The following PLEKHA8 variants were observed in gnomAD, a reference collection of about 807,000 sequenced individuals.
PLEKHA8 encodes the protein pleckstrin homology domain containing A8.
A neutral mutation model predicts 68.2 loss-of-function variants in PLEKHA8; 36 were observed. The ratio of observed to expected loss-of-function variants is 0.53; its 90% CI spans 0.40 to 0.70. The LOEUF (loss-of-function observed/expected upper bound fraction) is 0.70, where lower values mean the gene tolerates loss of function less well. Among genes scored for constraint, PLEKHA8 ranks in the 30% least tolerant of loss-of-function variants. The pLI is 0.00. For synonymous variants in PLEKHA8, 211 were observed against 216.1 expected (o/e 0.98, Z 0.20); for missense variants, 505 against 615.4 (o/e 0.82, Z 1.90).
intron 7 of PLEKHA8, among the ~76,000 whole-genome samples, chr7:30,053,970 C>T (rs890971018): frequency 6.6e-5 from 10 of 152,158 alleles, no homozygotes; most frequent in Non-Finnish European, 1.5e-4. Flanking sequence ...ATTGAACTCA[C>T]GGTGAACAGC....
intron 13 of PLEKHA8, chr7:30,117,907 CT>C: frequency 8.7e-7 from 1 of 1,149,718 alleles, no homozygotes; most frequent in South Asian, 1.4e-5. Context: ...ATTGCCAAGA[CT>C]TTATTCATAT....
intron 9 of PLEKHA8, among the ~76,000 whole-genome samples, chr7:30,056,426 A>G (rs1469787298): frequency 6.9e-6 from 1 of 145,174 alleles, no homozygotes; most frequent in African/African-American, 2.5e-5. Context: ...TATATATGTA[A>G]ATAAATAAAA....
chr7:30,059,578 A>AT lies in PLEKHA8; in HGVS notation c.1040-1296dup, dbSNP rs35157502. ...TTCCTGATCTCTAGCCAGTTAATCA[A>AT]TTTTTTTTTTAGTATTCTGTTTTAT... On this transcript the variant is annotated intron_variant, in intron 9 of 13. Transcript: ENST00000449726. Among the ~76,000 whole-genome samples the AT allele has an allele frequency of 1.7e-4, 25 of 147,742 alleles. No individual in the cohort carries two copies. The East Asian group carries it at 2.6e-3, about 15-fold the overall frequency.
At chr7:30,108,067 C>CAAAAAAAAAAAAAAAAAAAAAAAAAAAAA (rs796801365) in intron 13 of PLEKHA8, among the ~76,000 whole-genome samples, 1 of 52,828 alleles carries the variant, frequency 1.9e-5, no homozygotes, top group African/African-American at 7.3e-5. Context: ...AACTCCATCT[C>CAAAAAAAAAAAAAAAAAAAAAAAAAAAAA]AAAAAAAAAA....
intron 13 of PLEKHA8, among the ~76,000 whole-genome samples, chr7:30,104,593 T>G (rs1468513709): frequency 1.3e-5 from 2 of 152,110 alleles, no homozygotes; most frequent in African/African-American, 4.8e-5. Flanking sequence ...TAGTGCATAG[T>G]GTCTTATTCC....
At chr7:30,060,393 A>G (rs1179960311) in intron 9 of PLEKHA8, among the ~76,000 whole-genome samples, 5 of 152,146 alleles carry the variant, frequency 3.3e-5, no homozygotes, top group African/African-American at 7.2e-5. Flanking sequence ...AGCCGAGATC[A>G]TGCTACTCCA....
At chr7:30,062,492 C>T (rs1169992262) in intron 11 of PLEKHA8, among the ~76,000 whole-genome samples, 180 bp from the exon 12 acceptor site, 2 of 152,054 alleles carry the variant, frequency 1.3e-5, no homozygotes, top group East Asian at 1.9e-4. Context: ...AAGATGGGCT[C>T]CAGAGCAAGC....
intron 13 of PLEKHA8, among the ~76,000 whole-genome samples, chr7:30,077,709 T>C (rs1033445449): frequency 3.9e-5 from 6 of 152,144 alleles, no homozygotes; most frequent in African/African-American, 1.4e-4. Flanking sequence ...GGTCTGATTC[T>C]CAAAGACTTT....
rs140657781 is a variant in PLEKHA8, at chr7:30,075,708, C to A, written c.1362+1576C>A. 4.1e-4 allele frequency among the ~76,000 whole-genome samples: 62 copies of A among 152,160 alleles called. 1 individual carries two copies. The highest frequency in any genetic ancestry group is 1.3e-3 in the African/African-American group (56 of 41,514). Reference sequence around the variant, plus strand: ...TAGCTTGTGCCTGACACTTGAGTTGCCCCAAAACAAGTGTGGGGGGAAGGG... The same window carrying A: ...TAGCTTGTGCCTGACACTTGAGTTGACCCAAAACAAGTGTGGGGGGAAGGG... On this transcript the variant is annotated intron_variant, in intron 13 of 13. Coordinates refer to ENST00000449726, the MANE Select transcript of PLEKHA8 (RefSeq NM_001197026.2).
intron 1 of PLEKHA8, among the ~76,000 whole-genome samples, chr7:30,029,939 G>T (rs998977567): frequency 6.6e-6 from 1 of 152,172 alleles, no homozygotes; most frequent in Non-Finnish European, 1.5e-5. Flanking sequence ...TTAGCAGTGA[G>T]TTCACCTGTT....
At chr7:30,078,513 G>T (rs1794750883) in intron 13 of PLEKHA8, 77 bp from the exon 14 acceptor site, 3 of 1,374,860 alleles carry the variant, frequency 2.2e-6, no homozygotes, top group Non-Finnish European at 3.1e-6. Flanking sequence ...GTATGTGTGT[G>T]TGCATGTGCA....
At position 30,078,545 on chromosome 7, in the gene PLEKHA8, G is replaced by T. The variant is rs760819139; in HGVS notation, c.1363-45G>T. On this transcript the variant is annotated intron_variant, in intron 13 of 13. Transcript: ENST00000449726. ...TGCACATGCATAAAAATAAGAGTGT[G>T]AGAGACAGACTTGATGCAGATTCTC... is the stretch of plus-strand genomic sequence containing the variant. 13 of 1,598,048 alleles carry T rather than the reference G, an allele frequency of 8.1e-6. No homozygotes were observed. In the East Asian group the frequency reaches 2.9e-4, roughly 36 times the overall value.
At chr7:30,093,944 G>T (rs183411470), downstream of PLEKHA8, among the ~76,000 whole-genome samples, 96 of 152,306 alleles carry the variant, frequency 6.3e-4, no homozygotes, top group Admixed American at 5.8e-3. Flanking sequence ...TTGTTTCCTA[G>T]TCAGTGAGAC....
At position 30,045,128 on chromosome 7, in the gene PLEKHA8, C is replaced by T. The variant is rs752453575; in HGVS notation, c.84C>T (p.Ser28=). Residue 28 remains serine (S), a synonymous_variant, in exon 2 of 14, where the codon TCC becomes TCT. Transcript: ENST00000449726. ...RWFLLCGGIL[S]YYDSPEDAWK... is the part of the protein sequence containing the mutation. ...TCCTTCTCTGTGGGGGAATATTGTC[C>T]TATTATGATTCTCCTGAAGATGCCT... The T allele has an allele frequency of 3.1e-6, 5 of 1,611,424 alleles. No individual in the cohort carries two copies. In the African/African-American group the frequency reaches 6.7e-5, roughly 22 times the overall value.
intron 13 of PLEKHA8, chr7:30,129,216 T>A (rs1232538406): frequency 6.2e-7 from 1 of 1,612,344 alleles, no homozygotes; most frequent in Non-Finnish European, 8.5e-7. Context: ...AAAAGAGTAA[T>A]GACAGTTGGC....
Position 30,079,898 on chromosome 7 carries a change from CTTTT to C in PLEKHA8, c.*1121_*1124del. ...TTCTTCAAGAACTAAATGATATGTC[CTTTT>C]TTTTTTTTTCAAAGAGGATAAGGCT... On this transcript the variant is annotated 3_prime_UTR_variant, in exon 14 of 14. Coordinates refer to ENST00000449726, the MANE Select transcript of PLEKHA8 (RefSeq NM_001197026.2). The C allele has an allele frequency of 6.7e-6, 5 of 743,206 alleles. No homozygotes were observed. Among genetic ancestry groups the C allele is most frequent in the South Asian group, 6.1e-5 (1 of 16,262 alleles). The allele number at this position is 743,206 out of a possible 1,614,324, so 46.0% of individuals were successfully genotyped here.
chr7:30,084,839 CTG>C (rs1261862116), downstream of PLEKHA8, among the ~76,000 whole-genome samples: 1 of 152,126 alleles, frequency 6.6e-6, no homozygotes, highest in Non-Finnish European at 1.5e-5. Context: ...GCTGGGAAAA[CTG>C]AGGCATATAT....
At chr7:30,114,663 A>G (rs563895223) in intron 13 of PLEKHA8, among the ~76,000 whole-genome samples, 14 of 151,908 alleles carry the variant, frequency 9.2e-5, no homozygotes, top group Admixed American at 9.2e-4. Flanking sequence ...GTCCTCCTGC[A>G]TTTCATTATT....
chr7:30,074,182 T>G lies in PLEKHA8; in HGVS notation c.1362+50T>G, dbSNP rs73305162. On this transcript the variant is annotated intron_variant, in intron 13 of 13. Transcript: ENST00000449726. ...TTATTAACTGTATTGGGTATGCCAG[T>G]GGCTAGGGCTAGAAATCTCTTCTTA... The G allele has an allele frequency of 7.3e-6, 11 of 1,506,294 alleles. No individual in the cohort carries two copies. In the African/African-American group the frequency reaches 1.3e-4, roughly 17 times the overall value. The allele number at this position is 1,506,294 out of a possible 1,614,324, so 93.3% of individuals were successfully genotyped here.
Sources: allele counts gnomAD v4.1 joint callset (sites outside exome capture counted in the v4.1 genomes callset), GRCh38; gene constraint gnomAD v4.1.1; transcripts MANE v1.5; gene names NCBI Gene and HGNC (gene_info 2026-07-23, HGNC 2026-07-21).